The following PDE4D variants were observed in gnomAD, a reference collection of about 807,000 sequenced individuals.
PDE4D encodes 3',5'-cyclic-AMP phosphodiesterase 4D.
Under a neutral mutation model 87.4 loss-of-function variants are expected in PDE4D, and 24 were observed. The ratio of observed to expected loss-of-function variants is 0.27; its 90% CI spans 0.20 to 0.39. The LOEUF is 0.39. Ranked by LOEUF, PDE4D falls within the 10% of genes least tolerant of loss-of-function variation. The pLI is 1.00. For missense variants in PDE4D, 714 were observed against 1,041.0 expected (o/e 0.69, Z 4.32); for synonymous variants, 384 against 383.2 (o/e 1.00, Z -0.02).
intron 1 of PDE4D, among the ~76,000 whole-genome samples, chr5:59,613,567 A>G (rs190637318): frequency 1.3e-5 from 2 of 151,562 alleles, no homozygotes; most frequent in East Asian, 3.9e-4. Flanking sequence ...AAAGCTGAGG[A>G]GGATGCAGCA....
intron 1 of PDE4D, among the ~76,000 whole-genome samples, chr5:59,776,397 T>G (rs2152618206): frequency 6.6e-6 from 1 of 152,348 alleles, no homozygotes; most frequent in Non-Finnish European, 1.5e-5. Flanking sequence ...CCTGAGCCAA[T>G]ATAGTCTCTT....
intron 1 of PDE4D, among the ~76,000 whole-genome samples, chr5:59,885,358 G>T (rs1749989882): frequency 6.6e-6 from 1 of 152,050 alleles, no homozygotes; most frequent in Non-Finnish European, 1.5e-5. Context: ...ACTGGGGATT[G>T]TCATTTTTAA....
chr5:60,234,148 T>C (rs1485359288), intron 1 of PDE4D, among the ~76,000 whole-genome samples: 1 of 151,856 alleles, frequency 6.6e-6, no homozygotes, highest in Non-Finnish European at 1.5e-5. Context: ...TAATCAACTT[T>C]CATAGATTTG....
chr5:60,140,916 T>C (rs918069378), intron 2 of PDE4D, among the ~76,000 whole-genome samples: 7 of 152,184 alleles, frequency 4.6e-5, no homozygotes, highest in Non-Finnish European at 7.3e-5. Context: ...TAGGCCTTTA[T>C]TAAACCTTTA....
chr5:60,507,469 C>G (rs1284959595), intron 1 of PDE4D, among the ~76,000 whole-genome samples: 1 of 152,148 alleles, frequency 6.6e-6, no homozygotes, highest in East Asian at 1.9e-4. Context: ...TACATAATTT[C>G]TAATTACTTC....
At chr5:59,736,006 C>CA (rs1758013384) in intron 1 of PDE4D, among the ~76,000 whole-genome samples, 1 of 151,000 alleles carries the variant, frequency 6.6e-6, no homozygotes, top group African/African-American at 2.4e-5. Flanking sequence ...ATTTAAAAAA[C>CA]AAAAAACAAA....
At chr5:59,850,487 C>T (rs1476851012) in intron 1 of PDE4D, among the ~76,000 whole-genome samples, 1 of 152,028 alleles carries the variant, frequency 6.6e-6, no homozygotes, top group African/African-American at 2.4e-5. Context: ...TTAGGACTTG[C>T]ATAGTCACTA....
Position 59,132,840 on chromosome 5 carries a change from T to C in PDE4D, c.808+47755A>G, listed in dbSNP as rs74658856. ...GTCAGTCCAAACCCACAAGTAGAAA[T>C]GATCATGTTGTTGAATGTGTTCAGT... On this transcript the variant is annotated intron_variant, in intron 5 of 14. Transcript: ENST00000340635. 1.4e-4 allele frequency among the ~76,000 whole-genome samples: 21 copies of C among 152,298 alleles called. 1 individual carries two copies. The East Asian group carries it at 4.1e-3, about 29-fold the overall frequency.
intron 1 of PDE4D, among the ~76,000 whole-genome samples, chr5:59,348,007 A>G (rs1426956566): frequency 6.6e-6 from 1 of 151,926 alleles, no homozygotes. Flanking sequence ...TATTTTATTT[A>G]TTGTTAACTT....
chr5:60,354,443 G>A (rs967114533), intron 1 of PDE4D, among the ~76,000 whole-genome samples: 12 of 152,142 alleles, frequency 7.9e-5, no homozygotes, highest in African/African-American at 2.7e-4. Context: ...TTGGCTCAAA[G>A]CAGTCTCCAT....
At chr5:59,579,863 G>A (rs1229957888) in intron 1 of PDE4D, among the ~76,000 whole-genome samples, 2 of 152,174 alleles carry the variant, frequency 1.3e-5, no homozygotes, top group Non-Finnish European at 2.9e-5. Context: ...TTTAGTGAAA[G>A]GATCCTATAG....
chr5:59,158,004 C>G (rs143032978), intron 5 of PDE4D, among the ~76,000 whole-genome samples: 1 of 152,168 alleles, frequency 6.6e-6, no homozygotes, highest in East Asian at 1.9e-4. Flanking sequence ...CTCCATTGGG[C>G]TCTTCTAACT....
At chr5:60,378,390 C>T (rs1211561926) in intron 1 of PDE4D, among the ~76,000 whole-genome samples, 1 of 152,168 alleles carries the variant, frequency 6.6e-6, no homozygotes, top group Admixed American at 6.5e-5. Context: ...AATTTACCTT[C>T]GTTCAATATC....
chr5:60,135,176 C>T (rs1779929463), intron 2 of PDE4D, among the ~76,000 whole-genome samples: 1 of 152,138 alleles, frequency 6.6e-6, no homozygotes, highest in Admixed American at 6.6e-5. Context: ...GACCCTTCGC[C>T]CCTTTAACCA....
intron 1 of PDE4D, among the ~76,000 whole-genome samples, chr5:60,459,459 A>C (rs1746750864): frequency 6.6e-6 from 1 of 152,114 alleles, no homozygotes; most frequent in African/African-American, 2.4e-5. Context: ...CCATATTCAC[A>C]TAGAGACACC....
chr5:59,962,518 A>G (rs1393585701), intron 3 of PDE4D, among the ~76,000 whole-genome samples: 1 of 151,828 alleles, frequency 6.6e-6, no homozygotes, highest in Non-Finnish European at 1.5e-5. Context: ...ACGCTCCTAC[A>G]TGAAAAAAAA....
intron 1 of PDE4D, among the ~76,000 whole-genome samples, chr5:60,499,167 G>A (rs185254198): frequency 2.6e-5 from 4 of 152,306 alleles, no homozygotes; most frequent in Non-Finnish European, 1.5e-5. Flanking sequence ...AGTTCACACT[G>A]AGACTTAAAA....
chr5:59,416,895 A>C (rs1014499011), intron 1 of PDE4D, among the ~76,000 whole-genome samples: 2 of 152,202 alleles, frequency 1.3e-5, no homozygotes, highest in African/African-American at 2.4e-5. Flanking sequence ...AATGCTAATA[A>C]AATTATATGT....
chr5:60,301,857 A>T (rs1001944922), intron 1 of PDE4D, among the ~76,000 whole-genome samples: 7 of 152,128 alleles, frequency 4.6e-5, no homozygotes, highest in African/African-American at 1.7e-4. Context: ...TTCAATATCT[A>T]GTTTATTGAG....
Sources: allele counts gnomAD v4.1 joint callset (sites outside exome capture counted in the v4.1 genomes callset), GRCh38; gene constraint gnomAD v4.1.1; transcripts MANE v1.5; gene names NCBI Gene and HGNC (gene_info 2026-07-23, HGNC 2026-07-21).